Variants in IQUB observed in about 807,000 individuals in gnomAD.
The protein encoded by IQUB is IQ motif and ubiquitin-like domain-containing protein.
Under a neutral mutation model 86.4 loss-of-function variants are expected in IQUB, and 86 were observed. That is an observed-to-expected ratio of 1.00 (90% CI 0.84 to 1.19). IQUB has a LOEUF of 1.19. Among genes scored for constraint, IQUB ranks in the 50% most tolerant of loss-of-function variants. The probability of loss-of-function intolerance (pLI) is 0.00; values close to 1 mark genes in which losing one functional copy is unlikely to be tolerated. For missense variants in IQUB, 946 were observed against 916.9 expected, an observed-to-expected ratio of 1.03 and a Z score of -0.41; for synonymous variants, 289 against 304.5, an observed-to-expected ratio of 0.95 and a Z score of 0.53.
chr7:123,534,258 G>A (rs1360154015), intron 1 of IQUB, among the ~76,000 whole-genome samples: 4 of 152,190 alleles, frequency 2.6e-5, no homozygotes, highest in African/African-American at 7.2e-5. Flanking sequence ...GATGCTGCTG[G>A]TTCAAGTCCC....
chr7:123,482,516 A>G (rs935610123), intron 7 of IQUB, among the ~76,000 whole-genome samples: 1 of 152,094 alleles, frequency 6.6e-6, no homozygotes, highest in Non-Finnish European at 1.5e-5. Flanking sequence ...AAATATTCCA[A>G]TTGCTTGTTA....
At chr7:123,490,966 G>GA (rs201599464) in intron 7 of IQUB, among the ~76,000 whole-genome samples, 27,820 of 132,310 alleles carry the variant, frequency 0.21, 2,690 homozygotes, top group Admixed American at 0.26. Flanking sequence ...CACCATCTTG[G>GA]AAAAAAAAAA....
At chr7:123,513,859 G>A (rs1796533954) in intron 1 of IQUB, among the ~76,000 whole-genome samples, 1 of 152,190 alleles carries the variant, frequency 6.6e-6, no homozygotes, top group Admixed American at 6.5e-5. Flanking sequence ...ATGTTGGCCA[G>A]GCTGGTCTCA....
chr7:123,507,738 T>C (rs1378660201), intron 3 of IQUB, among the ~76,000 whole-genome samples: 1 of 151,944 alleles, frequency 6.6e-6, no homozygotes, highest in Non-Finnish European at 1.5e-5. Flanking sequence ...CCGGGTGTGG[T>C]GGCACATCCC....
chr7:123,489,895 C>A (rs1188600946), intron 7 of IQUB, among the ~76,000 whole-genome samples: 1 of 151,494 alleles, frequency 6.6e-6, no homozygotes, highest in East Asian at 1.9e-4. Flanking sequence ...CATAATGCAA[C>A]AAAATTCCAA....
chr7:123,497,806 C>A (rs1367057507), intron 6 of IQUB, among the ~76,000 whole-genome samples: 1 of 149,632 alleles, frequency 6.7e-6, no homozygotes, highest in Admixed American at 6.7e-5. Context: ...TTGAAGAATC[C>A]CTTCAACAAA....
At chr7:123,499,532 A>C (rs866158207) in intron 6 of IQUB, among the ~76,000 whole-genome samples, 2 of 152,238 alleles carry the variant, frequency 1.3e-5, no homozygotes. Flanking sequence ...GAAAGGGTAC[A>C]TCACCAAGTC....
At chr7:123,504,828 C>A (rs1303613330) in intron 3 of IQUB, among the ~76,000 whole-genome samples, 2 of 152,300 alleles carry the variant, frequency 1.3e-5, no homozygotes, top group Admixed American at 1.3e-4. Context: ...AAAATACAAT[C>A]ATTCCTTCTT....
At chr7:123,482,398 A>G (rs539522649) in intron 7 of IQUB, among the ~76,000 whole-genome samples, 1 of 152,194 alleles carries the variant, frequency 6.6e-6, no homozygotes, top group African/African-American at 2.4e-5. Flanking sequence ...CAAGTTCAAT[A>G]AACCATTTAT....
chr7:123,481,391 T>C (rs1431121177), intron 7 of IQUB, among the ~76,000 whole-genome samples: 1 of 152,106 alleles, frequency 6.6e-6, no homozygotes, highest in Non-Finnish European at 1.5e-5. Flanking sequence ...TCTGTCAAGA[T>C]AGAAGCTTCT....
chr7:123,489,325 G>A (rs1310243777), intron 7 of IQUB, among the ~76,000 whole-genome samples: 3 of 152,054 alleles, frequency 2.0e-5, no homozygotes, highest in Non-Finnish European at 4.4e-5. Context: ...TAGAATAATT[G>A]GAACTCTGTG....
At chr7:123,464,369 G>A (rs554541038) in intron 10 of IQUB, among the ~76,000 whole-genome samples, 1 of 151,926 alleles carries the variant, frequency 6.6e-6, no homozygotes, top group South Asian at 2.1e-4. Context: ...TGTGATAAGT[G>A]TTATAAGGAA....
At chr7:123,475,092 T>G (rs1794690182) in intron 8 of IQUB, among the ~76,000 whole-genome samples, 2 of 152,208 alleles carry the variant, frequency 1.3e-5, no homozygotes, top group African/African-American at 4.8e-5. Flanking sequence ...ATTTCCTTTA[T>G]TTAGTCACAT....
At chr7:123,525,546 T>C (rs1797156273) in intron 1 of IQUB, among the ~76,000 whole-genome samples, 1 of 152,230 alleles carries the variant, frequency 6.6e-6, no homozygotes, top group Non-Finnish European at 1.5e-5. Context: ...TAGGTGGTGA[T>C]ATCCCCTTTA....
rs1192889480 is a variant in IQUB at position 123,503,204 on chromosome 7, G to C, written c.692C>G (p.Thr231Ser). 1.2e-6 allele frequency: 2 copies of C among 1,611,138 alleles called. No homozygotes were observed. The highest frequency in any genetic ancestry group is 1.7e-6 in the Non-Finnish European group (2 of 1,178,726). Residue 231 changes from threonine (T) to serine (S), a missense_variant and splice_region_variant, in exon 4 of 13, where the codon ACT (threonine) becomes AGT (serine). Coordinates refer to ENST00000324698, the MANE Select transcript of IQUB (RefSeq NM_178827.5). Reference sequence around the variant, plus strand: ...CTAAAAGACATCAAATAACGAACCAGTTTGGACAGTGACAGTTATGATTTG... The same window carrying C: ...CTAAAAGACATCAAATAACGAACCACTTTGGACAGTGACAGTTATGATTTG... ...VSQIITVTVQ[T>S]GLDQYQQVPV...
intron 1 of IQUB, among the ~76,000 whole-genome samples, chr7:123,518,600 C>T (rs900328972): frequency 6.6e-6 from 1 of 151,980 alleles, no homozygotes; most frequent in African/African-American, 2.4e-5. Flanking sequence ...AAATGTGTTA[C>T]TACAAACATT....
intron 7 of IQUB, among the ~76,000 whole-genome samples, chr7:123,495,857 T>C (rs1464212132): frequency 6.6e-6 from 1 of 152,032 alleles, no homozygotes; most frequent in African/African-American, 2.4e-5. Flanking sequence ...CATCAAAAAA[T>C]AAATGAATTA....
intron 8 of IQUB, among the ~76,000 whole-genome samples, chr7:123,472,105 G>A (rs1204644343): frequency 6.6e-6 from 1 of 151,898 alleles, no homozygotes; most frequent in African/African-American, 2.4e-5. Flanking sequence ...GAGTGCGGTG[G>A]CACTCACCTG....
chr7:123,454,378 T>G (rs932674419), intron 12 of IQUB, among the ~76,000 whole-genome samples: 2 of 152,042 alleles, frequency 1.3e-5, no homozygotes, highest in African/African-American at 4.8e-5. Flanking sequence ...TATTTCCATA[T>G]TATATTATTT....
Sources: gnomAD v4.1 joint callset for allele counts (sites outside exome capture counted in the v4.1 genomes callset) on GRCh38, gnomAD v4.1.1 for gene constraint, MANE v1.5 for transcripts, NCBI Gene and HGNC (gene_info 2026-07-23, HGNC 2026-07-21) for gene names.